Variants in EYA1 observed in about 807,000 individuals in gnomAD.
EYA1 encodes protein phosphatase EYA1.
EYA1 carries 16 observed loss-of-function variants against 82.0 expected under a neutral mutation model. The observed-to-expected ratio is 0.20, with a 90% CI of 0.13 to 0.30. The LOEUF is 0.30. EYA1 is among the 10% of genes least tolerant of loss of function. The pLI is 1.00. For synonymous variants in EYA1, 261 were observed against 264.4 expected (o/e 0.99, Z 0.12); for missense variants, 633 against 730.7 (o/e 0.87, Z 1.54).
intron 2 of EYA1, among the ~76,000 whole-genome samples, chr8:71,453,933 A>C (rs1395478818): frequency 6.6e-6 from 1 of 152,216 alleles, no homozygotes; most frequent in Non-Finnish European, 1.5e-5. Context: ...TTACCCTTAA[A>C]TGTAGATGGG....
chr8:71,307,048 G>C (rs73290078), intron 7 of EYA1, among the ~76,000 whole-genome samples: 5 of 152,122 alleles, frequency 3.3e-5, no homozygotes, highest in Admixed American at 6.5e-5. Flanking sequence ...GTGAGAACAC[G>C]ATTGTCATAA....
intron 2 of EYA1, among the ~76,000 whole-genome samples, chr8:71,388,910 A>C (rs1040063785): frequency 1.9e-4 from 29 of 152,126 alleles, no homozygotes; most frequent in African/African-American, 7.0e-4. Flanking sequence ...AGCTAGTTCC[A>C]GGAGACTCAG....
intron 9 of EYA1, among the ~76,000 whole-genome samples, chr8:71,296,652 T>C (rs1247473181): frequency 6.6e-6 from 1 of 151,768 alleles, no homozygotes; most frequent in Admixed American, 6.6e-5. Context: ...AGACCCGAAA[T>C]TATTCCAGCA....
chr8:71,237,262 G>A (rs1229461361), intron 12 of EYA1, among the ~76,000 whole-genome samples: 1 of 152,048 alleles, frequency 6.6e-6, no homozygotes, highest in Non-Finnish European at 1.5e-5. Flanking sequence ...ATGATGGCCA[G>A]GCTGGTCTCA....
At chr8:71,533,822 A>G (rs1029846174) in intron 2 of EYA1, among the ~76,000 whole-genome samples, 3 of 152,186 alleles carry the variant, frequency 2.0e-5, no homozygotes, top group Admixed American at 2.0e-4. Flanking sequence ...AGTGCCACAC[A>G]GTGTTTGCCT....
At chr8:71,291,637 T>A (rs746126654) in intron 9 of EYA1, among the ~76,000 whole-genome samples, 8 of 152,366 alleles carry the variant, frequency 5.3e-5, no homozygotes, top group Non-Finnish European at 1.0e-4. Context: ...TTCACTTTTA[T>A]CTTTGTCCCT....
intron 2 of EYA1, among the ~76,000 whole-genome samples, chr8:71,483,687 G>C (rs1399785693): frequency 1.3e-5 from 2 of 152,042 alleles, no homozygotes; most frequent in African/African-American, 4.8e-5. Flanking sequence ...GTGTGTGTGT[G>C]TGTGTTGGGT....
chr8:71,323,279 G>A (rs1374068342), intron 4 of EYA1, among the ~76,000 whole-genome samples: 1 of 151,808 alleles, frequency 6.6e-6, no homozygotes, highest in African/African-American at 2.4e-5. Context: ...TTCCTTGGGG[G>A]CAATTATTAT....
Position 71,425,057 on chromosome 8 carries a change from G to C in EYA1, c.34-68546C>G, listed in dbSNP as rs180775965. Among the ~76,000 whole-genome samples the C allele has an allele frequency of 2.2e-5, 3 of 135,694 alleles. No homozygotes were observed. The South Asian group carries it at 6.8e-4, about 31-fold the overall frequency. 89.0% of individuals were successfully genotyped at this position (135,694 alleles called of 152,430 possible). A position where few individuals can be genotyped will look rare whatever the true frequency, so the allele number is the denominator to read the frequency against. ...GGGCGGATCACGAGGTCAGGAGATC[G>C]AGACTATCCTGGCTAACACGGTGAA... On this transcript the variant is annotated intron_variant, in intron 2 of 18. Coordinates refer to the EYA1 transcript ENST00000643681.
intron 14 of EYA1, 53 bp from the exon 15 acceptor site, chr8:71,215,781 G>C (rs189471908): frequency 8.3e-7 from 1 of 1,201,380 alleles, no homozygotes; most frequent in Non-Finnish European, 1.2e-6. Context: ...ATATTTCTTC[G>C]GCTTTGCAAG....
chr8:71,504,630 C>T (rs577828066), intron 2 of EYA1, among the ~76,000 whole-genome samples: 3 of 152,200 alleles, frequency 2.0e-5, no homozygotes, highest in African/African-American at 4.8e-5. Flanking sequence ...TGAATGTTAG[C>T]GTACATCAGA....
rs756885537 is a variant in EYA1 at position 71,334,127 on chromosome 8, C to T, written c.172G>A (p.Asp58Asn). 9.3e-6 allele frequency: 15 copies of T among 1,613,466 alleles called. No individual in the cohort carries two copies. The highest frequency in any genetic ancestry group is 2.7e-5 in the African/African-American group (2 of 74,874). The change falls in exon 4 of 18, where the codon GAC (aspartate) becomes AAC (asparagine). Residue 58 changes from aspartate (D) to asparagine (N), a missense_variant. Coordinates refer to ENST00000340726, the MANE Select transcript of EYA1 (RefSeq NM_000503.6). ...SSSETASTTA[D>N]GSLNNFSGSA... ...CCTGAGAAATTGTTTAAAGACCCGT[C>T]GGCTGTCGTTGAAGCTGTTTCACTG...
At chr8:71,479,721 C>A (rs1209197617) in intron 2 of EYA1, among the ~76,000 whole-genome samples, 3 of 150,634 alleles carry the variant, frequency 2.0e-5, no homozygotes, top group Non-Finnish European at 2.9e-5. Flanking sequence ...GCCCAAGCAG[C>A]TACACTGGCC....
chr8:71,312,258 C>T (rs560739862), intron 7 of EYA1, among the ~76,000 whole-genome samples: 7 of 152,200 alleles, frequency 4.6e-5, no homozygotes, highest in Non-Finnish European at 8.8e-5. Flanking sequence ...AACATTTTGG[C>T]TTTTTGTAGT....
At chr8:71,369,938 T>C (rs558336094) in intron 2 of EYA1, among the ~76,000 whole-genome samples, 19 of 152,174 alleles carry the variant, frequency 1.2e-4, no homozygotes, top group African/African-American at 4.3e-4. Context: ...TGGGACAAAA[T>C]TGAGTCCTTA....
At chr8:71,328,688 A>ACAGAT (rs554090888) in intron 4 of EYA1, among the ~76,000 whole-genome samples, 1 of 152,066 alleles carries the variant, frequency 6.6e-6, no homozygotes, top group Non-Finnish European at 1.5e-5. Flanking sequence ...GGGGTTGATG[A>ACAGAT]CAGATCTTCA....
chr8:71,217,438 A>G (rs958959982), intron 12 of EYA1, among the ~76,000 whole-genome samples: 5 of 152,216 alleles, frequency 3.3e-5, no homozygotes, highest in African/African-American at 7.2e-5. Flanking sequence ...CTAACTGCCA[A>G]TGAAATTATG....
At chr8:71,399,590 G>T (rs1829834737) in intron 2 of EYA1, among the ~76,000 whole-genome samples, 1 of 152,166 alleles carries the variant, frequency 6.6e-6, no homozygotes, top group South Asian at 2.1e-4. Flanking sequence ...AACAAAGGAA[G>T]TGAAGGACCT....
At chr8:71,437,488 G>A (rs1806101321) in intron 2 of EYA1, among the ~76,000 whole-genome samples, 1 of 151,646 alleles carries the variant, frequency 6.6e-6, no homozygotes, top group African/African-American at 2.4e-5. Context: ...TTTTCTATGG[G>A]ATTAAATAAT....
Sources: allele counts gnomAD v4.1 joint callset (sites outside exome capture counted in the v4.1 genomes callset), GRCh38; gene constraint gnomAD v4.1.1; transcripts MANE v1.5; gene names NCBI Gene and HGNC (gene_info 2026-07-23, HGNC 2026-07-21).